The following PGM2L1 variants were observed in gnomAD, a reference collection of about 807,000 sequenced individuals.
The protein encoded by PGM2L1 is phosphoglucomutase 2 like 1.
In PGM2L1, 35 loss-of-function variants were observed where a neutral mutation model predicts 73.4. That is an observed-to-expected ratio of 0.48 (90% CI 0.36 to 0.63). The LOEUF is 0.63. PGM2L1 is among the 30% of genes least tolerant of loss of function. The pLI is 0.00. For synonymous variants in PGM2L1, 225 were observed against 253.8 expected (o/e 0.89, Z 1.08); for missense variants, 570 against 742.0 (o/e 0.77, Z 2.69).
intron 1 of PGM2L1, among the ~76,000 whole-genome samples, chr11:74,380,401 T>C (rs1471656287): frequency 6.6e-6 from 1 of 152,162 alleles, no homozygotes; most frequent in Non-Finnish European, 1.5e-5. Flanking sequence ...TAATTCTAAA[T>C]TTAATTTCCT....
chr11:74,331,740 T>C lies in PGM2L1; in HGVS notation c.*4912A>G, dbSNP rs1591158331. ...CATTTTTATATTAAAAGTTTTATTA[T>C]AAAGAATGCAAAATTCACTTACATT... On this transcript the variant is annotated 3_prime_UTR_variant, in exon 14 of 14. Transcript: ENST00000298198. The C allele has an allele frequency of 6.6e-6, 1 of 152,212 alleles. No homozygotes were observed. Among genetic ancestry groups the C allele is most frequent in the East Asian group, 1.9e-4 (1 of 5,196 alleles). 9.4% of individuals were successfully genotyped at this position (152,212 alleles called of 1,614,324 possible). A position where few individuals can be genotyped will look rare whatever the true frequency, so the allele number is the denominator to read the frequency against.
At chr11:74,345,437 A>C in intron 9 of PGM2L1, 32 bp downstream of exon 9, 1 of 1,554,396 alleles carries the variant, frequency 6.4e-7, no homozygotes, top group African/African-American at 1.4e-5. Flanking sequence ...ATAGGTTTTA[A>C]AAAGTAGCAC....
chr11:74,385,987 A>G (rs1863012602), intron 1 of PGM2L1, among the ~76,000 whole-genome samples: 1 of 152,180 alleles, frequency 6.6e-6, no homozygotes, highest in African/African-American at 2.4e-5. Flanking sequence ...AAATCAGAAT[A>G]CTTTAAGACA....
At chr11:74,345,705 G>T in intron 8 of PGM2L1, 56 bp from the exon 9 acceptor site, 1 of 1,481,668 alleles carries the variant, frequency 6.7e-7, no homozygotes, top group Non-Finnish European at 9.3e-7. Context: ...AAAACTTCTT[G>T]ACTCCAAGGC....
chr11:74,374,240 T>C (rs1862821594), intron 2 of PGM2L1, among the ~76,000 whole-genome samples, 175 bp downstream of exon 2: 1 of 152,038 alleles, frequency 6.6e-6, no homozygotes, highest in Non-Finnish European at 1.5e-5. Flanking sequence ...CACGCCATCA[T>C]GCCCACCTAA....
At chr11:74,350,250 A>G (rs981146547) in intron 6 of PGM2L1, among the ~76,000 whole-genome samples, 1 of 152,166 alleles carries the variant, frequency 6.6e-6, no homozygotes, top group Non-Finnish European at 1.5e-5. Flanking sequence ...AGTTGAGAAA[A>G]AGCTAAAATT....
chr11:74,354,430 TC>T (rs762406173), intron 5 of PGM2L1: 2 of 682,218 alleles, frequency 2.9e-6, no homozygotes, highest in Non-Finnish European at 5.2e-6. Context: ...AAAGTCTCCT[TC>T]CCCCTGCTGT....
chr11:74,331,245 TG>T lies in PGM2L1; in HGVS notation c.*5406del, dbSNP rs1303810342. 1 of 149,906 alleles carries T rather than the reference TG, an allele frequency of 6.7e-6. No individual in the cohort carries two copies. The highest frequency in any genetic ancestry group is 1.5e-5 in the Non-Finnish European group (1 of 67,802). The allele number at this position is 149,906 out of a possible 1,614,324, so 9.3% of individuals were successfully genotyped here. ...CCAAGGGCAGGAAATAGTCTGGATATGTTCTATGTTTATATATCTTTTTTTT... is the reference window on the plus strand; with the variant it reads ...CCAAGGGCAGGAAATAGTCTGGATATTTCTATGTTTATATATCTTTTTTTT... On this transcript the variant is annotated 3_prime_UTR_variant, in exon 14 of 14. Coordinates refer to ENST00000298198, the MANE Select transcript of PGM2L1 (RefSeq NM_173582.6).
chr11:74,383,783 C>T (rs939818496), intron 1 of PGM2L1, among the ~76,000 whole-genome samples: 4 of 135,808 alleles, frequency 2.9e-5, no homozygotes, highest in African/African-American at 1.2e-4. Context: ...GATCTCAATC[C>T]TTTTTATGTA....
intron 5 of PGM2L1, chr11:74,354,621 C>T (rs1332837582): frequency 4.4e-5 from 50 of 1,143,114 alleles, no homozygotes; most frequent in Non-Finnish European, 6.4e-5. Context: ...TTGGGTTTGT[C>T]ACATATGCCA....
At chr11:74,348,961 A>T (rs1415977631) in intron 6 of PGM2L1, among the ~76,000 whole-genome samples, 2 of 152,222 alleles carry the variant, frequency 1.3e-5, no homozygotes, top group African/African-American at 4.8e-5. Flanking sequence ...AATGCTGTCA[A>T]ACTAAGATTC....
chr11:74,379,325 A>G (rs891939828), intron 1 of PGM2L1, among the ~76,000 whole-genome samples: 1 of 152,130 alleles, frequency 6.6e-6, no homozygotes, highest in Admixed American at 6.5e-5. Flanking sequence ...GAACCAAGCT[A>G]TTCATGAGGG....
intron 1 of PGM2L1, among the ~76,000 whole-genome samples, chr11:74,394,764 A>C (rs1047937940): frequency 6.6e-6 from 1 of 152,212 alleles, no homozygotes; most frequent in African/African-American, 2.4e-5. Flanking sequence ...ACATTTTTTC[A>C]TAAAGACTTT....
In PGM2L1 at chr11:74,332,853, T is replaced by C. The variant is rs1862035284; in HGVS notation, c.*3799A>G. 2 of 152,572 alleles carry C rather than the reference T, an allele frequency of 1.3e-5. No individual in the cohort carries two copies. The highest frequency in any genetic ancestry group is 2.9e-5 in the Non-Finnish European group (2 of 68,022). 9.5% of individuals were successfully genotyped at this position (152,572 alleles called of 1,614,324 possible). On this transcript the variant is annotated 3_prime_UTR_variant, in exon 14 of 14. Transcript: ENST00000298198. ...ATCTACATCAAAATAACAACATATA[T>C]ATTCAAAACGAAAACCTCAAATAAC...
At chr11:74,366,318 A>T (rs1344420216) in intron 5 of PGM2L1, among the ~76,000 whole-genome samples, 1 of 151,768 alleles carries the variant, frequency 6.6e-6, no homozygotes, top group African/African-American at 2.4e-5. Context: ...ATATGTAACA[A>T]ACCTGCACGT....
At chr11:74,383,737 G>C (rs750599659) in intron 1 of PGM2L1, among the ~76,000 whole-genome samples, 1 of 150,448 alleles carries the variant, frequency 6.6e-6, no homozygotes. Context: ...TGAGGATAAT[G>C]GCTTCCAGCT....
intron 12 of PGM2L1, among the ~76,000 whole-genome samples, chr11:74,339,110 A>T (rs887951672): frequency 1.3e-5 from 2 of 152,178 alleles, no homozygotes; most frequent in African/African-American, 2.4e-5. Context: ...GACGAGGCTC[A>T]AAGAGAGTAA....
intron 6 of PGM2L1, among the ~76,000 whole-genome samples, chr11:74,348,640 G>C (rs1319379247): frequency 6.6e-6 from 1 of 152,128 alleles, no homozygotes; most frequent in Non-Finnish European, 1.5e-5. Context: ...ACCTGAACGA[G>C]GTTCCATATA....
rs1328157643 is a variant in PGM2L1 at position 74,336,390 on chromosome 11, C to A, written c.*262G>T. 2 of 233,278 alleles carry A rather than the reference C, an allele frequency of 8.6e-6. No homozygotes were observed. Among genetic ancestry groups the A allele is most frequent in the African/African-American group, 4.5e-5 (2 of 44,072 alleles). 14.5% of individuals were successfully genotyped at this position (233,278 alleles called of 1,614,324 possible). On this transcript the variant is annotated 3_prime_UTR_variant, in exon 14 of 14. Transcript: ENST00000298198. ...TGTGATGTTTCTGTTAACGGAAGGA[C>A]AATACGTTACTATAATACTTTTAGT...
Sources: allele counts gnomAD v4.1 joint callset (sites outside exome capture counted in the v4.1 genomes callset), GRCh38; gene constraint gnomAD v4.1.1; transcripts MANE v1.5; gene names NCBI Gene and HGNC (gene_info 2026-07-23, HGNC 2026-07-21).